The following PLXNA2 variants were observed in gnomAD, a reference collection of about 807,000 sequenced individuals.
PLXNA2 encodes plexin-A2.
Under a neutral mutation model 193.5 loss-of-function variants are expected in PLXNA2, and 91 were observed. That is an observed-to-expected ratio of 0.47 (90% confidence interval 0.40 to 0.56). The LOEUF is 0.56. Among genes scored for constraint, PLXNA2 ranks in the 20% least tolerant of loss-of-function variants. PLXNA2 has a pLI of 0.00. For missense variants in PLXNA2, 1,995 were observed against 2,503.2 expected, an observed-to-expected ratio of 0.80 and a Z score of 4.33; for synonymous variants, 997 against 1,027.3, an observed-to-expected ratio of 0.97 and a Z score of 0.56.
intron 3 of PLXNA2, among the ~76,000 whole-genome samples, chr1:208,200,148 G>T (rs543432975): frequency 3.9e-4 from 59 of 152,190 alleles, no homozygotes; most frequent in Non-Finnish European, 7.3e-4. Context: ...GGTAGGATGG[G>T]GATGGCTGAT....
Position 208,038,446 on chromosome 1 carries a change from G to T in PLXNA2, c.4689C>A (p.Val1563=), listed in dbSNP as rs745459207. The part of the protein sequence containing the change: ...LEWRQGRIAR[V]VLQDEDITTK... The stretch of plus-strand genomic sequence containing the variant: ...TGGTGATGTCCTCATCTTGCAGCAC[G>T]ACCCGGGCGATCCGGCCTTGGCGCC... Residue 1563 remains valine, a synonymous_variant, in exon 26 of 32, where the codon GTC becomes GTA. Coordinates refer to ENST00000367033, the MANE Select transcript of PLXNA2 (RefSeq NM_025179.4). The surrounding 1 kb of genome is among the most constrained non-coding windows in gnomAD (Gnocchi z 4.1). 3.7e-6 allele frequency: 6 copies of T among 1,614,126 alleles called. No individual in the cohort carries two copies. The highest frequency in any genetic ancestry group is 5.1e-6 in the Non-Finnish European group (6 of 1,179,994).
At chr1:208,056,636 A>C (rs937453570) in intron 13 of PLXNA2, among the ~76,000 whole-genome samples, 1 of 152,134 alleles carries the variant, frequency 6.6e-6, no homozygotes, top group Non-Finnish European at 1.5e-5. Context: ...ATATTCAAGC[A>C]CCTAGGAGAA....
Position 208,028,006 on chromosome 1 carries a change from C to A in PLXNA2, c.5589+3G>T. 6.3e-7 allele frequency: 1 copy of A among 1,576,000 alleles called. No individual in the cohort carries two copies. The highest frequency in any genetic ancestry group is 1.2e-5 in the South Asian group (1 of 85,558). ...TTCTGTCCCTGCTGGGGCCCTGTCT[C>A]ACCTCCTCACTATACTTGCTGACAT... On this transcript the variant is annotated splice_donor_region_variant and intron_variant, in intron 31 of 31. Coordinates refer to ENST00000367033, the MANE Select transcript of PLXNA2 (RefSeq NM_025179.4). This position sits in a 1 kb window ranked among gnomAD's most constrained non-coding sequence, Gnocchi z 4.2.
intron 3 of PLXNA2, among the ~76,000 whole-genome samples, chr1:208,148,343 TA>T (rs2102493240): frequency 6.6e-6 from 1 of 152,258 alleles, no homozygotes; most frequent in East Asian, 1.9e-4. Context: ...GGTTTCTTAG[TA>T]GCAAAGAGAT....
intron 3 of PLXNA2, among the ~76,000 whole-genome samples, chr1:208,193,530 A>C (rs1350658156): frequency 1.3e-5 from 2 of 152,262 alleles, no homozygotes; most frequent in Non-Finnish European, 2.9e-5. Context: ...AAATGAGATA[A>C]AAATGGGCAA....
chr1:208,175,535 A>G (rs1409432126), intron 3 of PLXNA2, among the ~76,000 whole-genome samples: 1 of 150,352 alleles, frequency 6.7e-6, no homozygotes, highest in Non-Finnish European at 1.5e-5. Context: ...ATGGCCTCCA[A>G]AGGATTCTCT....
Position 208,211,672 on chromosome 1 carries a change from G to A in PLXNA2, c.1189-1210C>T, listed in dbSNP as rs911088472. Among the ~76,000 whole-genome samples the A allele has an allele frequency of 2.6e-4, 38 of 145,246 alleles. No individual in the cohort carries two copies. The Middle Eastern group carries it at 0.015, about 56-fold the overall frequency. On this transcript the variant is annotated intron_variant, in intron 2 of 31. Transcript: ENST00000367033. ...TGCGCCACTGCACTCCAGCCTGGGC[G>A]GCAGAACGAGACTCCGTCTCAAAAA...
At chr1:208,056,934 C>A (rs1370457053) in intron 13 of PLXNA2, among the ~76,000 whole-genome samples, 3 of 152,204 alleles carry the variant, frequency 2.0e-5, no homozygotes, top group Admixed American at 1.3e-4. Context: ...CTCCTCAACT[C>A]TTCTTCCCTT....
At chr1:208,150,630 C>G (rs972840566) in intron 3 of PLXNA2, among the ~76,000 whole-genome samples, 5 of 152,146 alleles carry the variant, frequency 3.3e-5, no homozygotes, top group Admixed American at 6.5e-5. Context: ...GACCAGTTTT[C>G]TGTTTCTAAA....
At chr1:208,202,327 C>T (rs1185533873) in intron 3 of PLXNA2, among the ~76,000 whole-genome samples, 1 of 152,116 alleles carries the variant, frequency 6.6e-6, no homozygotes, top group Non-Finnish European at 1.5e-5. Flanking sequence ...TTATACCAAG[C>T]TCCTGGCACA....
rs1571894096 is a variant in PLXNA2 at position 208,080,928 on chromosome 1, T to C, written c.2396-1478A>G. The stretch of plus-strand genomic sequence containing the variant: ...CCCCACTTTGCTGGATTCTAGAACC[T>C]GAGTCTTTAAATGGTGTGGTCCTCT... On this transcript the variant is annotated intron_variant, in intron 11 of 31. Transcript: ENST00000367033. Among the ~76,000 whole-genome samples, 5 of 152,332 alleles carry C rather than the reference T, an allele frequency of 3.3e-5. No individual in the cohort carries two copies. In the South Asian group the frequency reaches 1.0e-3, roughly 32 times the overall value.
chr1:208,081,829 C>T (rs1005515308), intron 11 of PLXNA2, among the ~76,000 whole-genome samples: 2 of 152,108 alleles, frequency 1.3e-5, no homozygotes, highest in African/African-American at 2.4e-5. Context: ...CACTGAGGGT[C>T]GGGCCTAACT....
chr1:208,079,566 C>G (rs1666267035), intron 11 of PLXNA2, 116 bp from the exon 12 acceptor site: 1 of 716,854 alleles, frequency 1.4e-6, no homozygotes, highest in African/African-American at 1.8e-5. Context: ...GATAACACCA[C>G]CAATCATCAT....
At chr1:208,111,239 T>TA (rs1667464108) in intron 4 of PLXNA2, among the ~76,000 whole-genome samples, 1 of 152,084 alleles carries the variant, frequency 6.6e-6, no homozygotes, top group Non-Finnish European at 1.5e-5. Flanking sequence ...TAATTTAATT[T>TA]ATTTTTTTTG....
chr1:208,046,797 A>AGTGTGTGTGTGTGT (rs57420579), intron 17 of PLXNA2, among the ~76,000 whole-genome samples: 25 of 129,694 alleles, frequency 1.9e-4, no homozygotes, highest in Non-Finnish European at 3.1e-4. Context: ...AGAACAGCAT[A>AGTGTGTGTGTGTGT]GTGTGTGTGT....
chr1:208,081,479 A>G (rs1666341534), intron 11 of PLXNA2, among the ~76,000 whole-genome samples: 1 of 152,158 alleles, frequency 6.6e-6, no homozygotes, highest in African/African-American at 2.4e-5. Flanking sequence ...GGATAGGAAT[A>G]TATTCCAGGG....
At chr1:208,243,583 C>CT (rs1406238508) in intron 1 of PLXNA2, 60 bp downstream of exon 1, 5 of 152,226 alleles carry the variant, frequency 3.3e-5, no homozygotes, top group Non-Finnish European at 7.4e-5. Context: ...GTGTGCGCGC[C>CT]TGTGGGGAGA....
intron 4 of PLXNA2, among the ~76,000 whole-genome samples, chr1:208,116,057 G>T (rs1254136120): frequency 2.0e-5 from 3 of 152,180 alleles, no homozygotes; most frequent in Non-Finnish European, 2.9e-5. Flanking sequence ...CTGCACTCCT[G>T]CCAGGCTGGC....
chr1:208,226,731 G>A (rs1028770238), intron 1 of PLXNA2, among the ~76,000 whole-genome samples: 1 of 152,212 alleles, frequency 6.6e-6, no homozygotes, highest in Admixed American at 6.5e-5. Context: ...AGAGCCGCAT[G>A]GTATAAACTA....
Sources: allele counts gnomAD v4.1 joint callset (sites outside exome capture counted in the v4.1 genomes callset), GRCh38; gene constraint gnomAD v4.1.1; non-coding constraint Gnocchi (gnomAD v3.1); transcripts MANE v1.5; gene names NCBI Gene and HGNC (gene_info 2026-07-23, HGNC 2026-07-21).